GRM7: variants seen among roughly 807,000 people sequenced by gnomAD.
GRM7 encodes glutamate metabotropic receptor 7, also known as metabotropic glutamate receptor 7.
GRM7 carries 35 observed loss-of-function variants against 84.5 expected under a neutral mutation model. The ratio of observed to expected loss-of-function variants is 0.41; its 90% CI spans 0.32 to 0.55. The LOEUF (loss-of-function observed/expected upper bound fraction) is 0.55, where lower values mean the gene tolerates loss of function less well. GRM7 is among the 20% of genes least tolerant of loss of function. GRM7 has a pLI of 0.19. For missense variants in GRM7, 1,003 were observed against 1,194.6 expected (o/e 0.84, Z 2.36); for synonymous variants, 487 against 455.1 (o/e 1.07, Z -0.89).
chr3:7,238,176 A>T (rs191022003), intron 2 of GRM7, among the ~76,000 whole-genome samples: 1 of 152,166 alleles, frequency 6.6e-6, no homozygotes, highest in East Asian at 1.9e-4. Context: ...TACAGCTCAG[A>T]TCTTATCCAA....
At chr3:7,726,208 C>A (rs1376687608) in intron 9 of GRM7, among the ~76,000 whole-genome samples, 6 of 151,896 alleles carry the variant, frequency 4.0e-5, no homozygotes, top group Non-Finnish European at 8.8e-5. Flanking sequence ...CCTTAGAGGC[C>A]TCTTCAGAGA....
intron 4 of GRM7, among the ~76,000 whole-genome samples, chr3:7,348,382 T>A (rs1559255774): frequency 6.6e-6 from 1 of 152,172 alleles, no homozygotes; most frequent in Admixed American, 6.6e-5. Context: ...TCTACTGATA[T>A]CCTGCTTATA....
chr3:7,000,632 C>T (rs1234191319), intron 1 of GRM7, among the ~76,000 whole-genome samples: 1 of 152,206 alleles, frequency 6.6e-6, no homozygotes, highest in Non-Finnish European at 1.5e-5. Context: ...TGAAGAATCC[C>T]CAGATCTTAG....
At chr3:7,661,611 G>C (rs1031886510) in intron 8 of GRM7, among the ~76,000 whole-genome samples, 1 of 151,658 alleles carries the variant, frequency 6.6e-6, no homozygotes, top group Non-Finnish European at 1.5e-5. Flanking sequence ...TGGCTTACAC[G>C]GTGAAACCCC....
intron 1 of GRM7, among the ~76,000 whole-genome samples, chr3:7,116,625 GC>G (rs1324242485): frequency 7.2e-5 from 11 of 152,242 alleles, no homozygotes; most frequent in Admixed American, 7.2e-4. Flanking sequence ...TCTGTACCAA[GC>G]AAAATAAATT....
At chr3:6,899,805 A>G (rs17743013) in intron 1 of GRM7, among the ~76,000 whole-genome samples, 15,154 of 152,284 alleles carry the variant, frequency 0.1, 882 homozygotes, top group Non-Finnish European at 0.14. Context: ...CAAGATGTTC[A>G]TACTTTTAAT....
intron 1 of GRM7, among the ~76,000 whole-genome samples, chr3:7,106,955 T>C (rs9870496): frequency 0.43 from 65,732 of 151,830 alleles, 15,886 homozygotes; most frequent in African/African-American, 0.66. Context: ...GCTGTGCCAG[T>C]TGGTATGCTA....
At chr3:7,433,574 A>G (rs1386810927) in intron 5 of GRM7, among the ~76,000 whole-genome samples, 3 of 152,234 alleles carry the variant, frequency 2.0e-5, no homozygotes, top group Non-Finnish European at 2.9e-5. Context: ...TAAAGGTTAT[A>G]TGGTGAAAAA....
chr3:7,310,091 C>T (rs1700338807), intron 4 of GRM7, among the ~76,000 whole-genome samples: 2 of 152,178 alleles, frequency 1.3e-5, no homozygotes, highest in African/African-American at 4.8e-5. Flanking sequence ...CTCCAAAGTG[C>T]TCTGCTTCTC....
At chr3:7,187,209 A>G (rs1695549751) in intron 2 of GRM7, among the ~76,000 whole-genome samples, 1 of 151,930 alleles carries the variant, frequency 6.6e-6, no homozygotes, top group Non-Finnish European at 1.5e-5. Context: ...GAACACACAC[A>G]CACACACACA....
intron 2 of GRM7, among the ~76,000 whole-genome samples, chr3:7,154,807 C>A (rs1333510570): frequency 6.6e-6 from 1 of 152,008 alleles, no homozygotes; most frequent in East Asian, 1.9e-4. Context: ...ACTTTAGGGG[C>A]AAAATGTTTA....
At chr3:7,133,575 G>A (rs895676163) in intron 1 of GRM7, among the ~76,000 whole-genome samples, 1 of 152,146 alleles carries the variant, frequency 6.6e-6, no homozygotes, top group African/African-American at 2.4e-5. Flanking sequence ...CATTTATATT[G>A]CTAGCAAAAT....
At chr3:7,609,344 T>A (rs1233754540) in intron 8 of GRM7, among the ~76,000 whole-genome samples, 1 of 151,904 alleles carries the variant, frequency 6.6e-6, no homozygotes, top group Non-Finnish European at 1.5e-5. Context: ...ATAAATGAAA[T>A]TCAATGCTGG....
intron 4 of GRM7, among the ~76,000 whole-genome samples, chr3:7,345,993 C>T (rs932279933): frequency 6.6e-6 from 1 of 152,126 alleles, no homozygotes; most frequent in African/African-American, 2.4e-5. Context: ...AACTATATTT[C>T]TTTCCCCCAA....
At position 7,334,508 on chromosome 3, in the gene GRM7, C is replaced by T. The variant is rs113050430; in HGVS notation, c.1033+27856C>T. 3.1e-4 allele frequency among the ~76,000 whole-genome samples: 46 copies of T among 150,020 alleles called. 1 individual carries two copies. Among genetic ancestry groups the T allele is most frequent in the African/African-American group, 1.1e-3 (43 of 39,652 alleles). ...AAAAATAGAAAAACAAAAACAAAAA[C>T]AAAAACACAACATACATAGGCAACA... On this transcript the variant is annotated intron_variant, in intron 4 of 9. Coordinates refer to ENST00000357716, the MANE Select transcript of GRM7 (RefSeq NM_000844.4).
At chr3:7,414,452 C>T (rs1012031875) in intron 4 of GRM7, among the ~76,000 whole-genome samples, 2 of 152,156 alleles carry the variant, frequency 1.3e-5, no homozygotes, top group Non-Finnish European at 2.9e-5. Flanking sequence ...CTCTGACTCT[C>T]TTGCAAGATC....
intron 1 of GRM7, among the ~76,000 whole-genome samples, chr3:7,005,327 C>T (rs1207506119): frequency 6.6e-6 from 1 of 152,178 alleles, no homozygotes; most frequent in Non-Finnish European, 1.5e-5. Flanking sequence ...TACCTCTATC[C>T]CCAGCTACCT....
chr3:7,394,576 A>T (rs1205004265), intron 4 of GRM7, among the ~76,000 whole-genome samples: 4 of 152,216 alleles, frequency 2.6e-5, no homozygotes, highest in African/African-American at 9.6e-5. Flanking sequence ...GGTGATATAA[A>T]GATTTTTCCA....
intron 5 of GRM7, among the ~76,000 whole-genome samples, chr3:7,436,363 AG>A (rs1370150325): frequency 1.3e-5 from 2 of 152,108 alleles, no homozygotes; most frequent in Non-Finnish European, 2.9e-5. Context: ...GTTTAGGATT[AG>A]GGTCACATAC....
Sources: allele counts gnomAD v4.1 joint callset (sites outside exome capture counted in the v4.1 genomes callset), GRCh38; gene constraint gnomAD v4.1.1; transcripts MANE v1.5; gene names NCBI Gene and HGNC (gene_info 2026-07-23, HGNC 2026-07-21).